C17orf58: variants seen among roughly 807,000 people sequenced by gnomAD.
The protein encoded by C17orf58 is chromosome 17 open reading frame 58, also known as UPF0450 protein C17orf58.
In C17orf58, 5 loss-of-function variants were observed where a neutral mutation model predicts 7.4. The observed-to-expected ratio is 0.67, with a 90% CI of 0.35 to 1.42. The LOEUF is 1.42. Ranked by LOEUF, C17orf58 falls within the 40% of genes most tolerant of loss-of-function variation. The pLI, the probability that C17orf58 is intolerant of heterozygous loss-of-function variation, is 0.04. For missense variants in C17orf58, 162 were observed against 174.2 expected (o/e 0.93, Z 0.40); for synonymous variants, 60 against 70.6 (o/e 0.85, Z 0.75).
Position 67,993,021 on chromosome 17 carries a change from G to A in C17orf58, c.829+23C>T, listed in dbSNP as rs1555699406. The A allele has an allele frequency of 1.2e-6, 2 of 1,614,160 alleles. No homozygotes were observed. Among genetic ancestry groups the A allele is most frequent in the East Asian group, 2.2e-5 (1 of 44,884 alleles). ...CGGTGGTATAAAGTACATATGCAGCGTCATTCAGGTCAGTTTCAATACCAG... is the reference window on the plus strand; with the variant it reads ...CGGTGGTATAAAGTACATATGCAGCATCATTCAGGTCAGTTTCAATACCAG... On this transcript the variant is annotated intron_variant, in intron 3 of 3. Transcript: ENST00000580729. The surrounding 1 kb of genome is among the most constrained non-coding windows in gnomAD (Gnocchi z 5.1).
At chr17:67,992,854 G>A in intron 3 of C17orf58, 190 bp downstream of exon 3, 1 of 1,588,524 alleles carries the variant, frequency 6.3e-7, no homozygotes, top group South Asian at 1.2e-5. Context: ...TCACCCTTGA[G>A]GGTGGGGGCT....
rs1413918104 is a variant in C17orf58, at chr17:67,993,913, C to G, written c.148G>C (p.Ala50Pro). Residue 50 changes from alanine (A) to proline (P), a missense_variant, in exon 2 of 4, where the codon GCG becomes CCG. Around this residue, in one of 3 missense-constraint regions of C17orf58, gnomAD observed 93 missense variants for 90.4 expected, o/e 1.03. Transcript: ENST00000580729. This position sits in a 1 kb window ranked among gnomAD's most constrained non-coding sequence, Gnocchi z 5.1. ...TGCGGGGCCTCAAGGAGTGGCTGCGCGCGGGGCCCCGGTGTCTCCTCCGCG... is the reference window on the plus strand; with the variant it reads ...TGCGGGGCCTCAAGGAGTGGCTGCGGGCGGGGCCCCGGTGTCTCCTCCGCG... ...PSAEETPGPRAQPLLEAPQRP... is the reference protein window; with the variant it reads ...PSAEETPGPRPQPLLEAPQRP... 2 of 391,792 alleles carry G rather than the reference C, an allele frequency of 5.1e-6. No individual in the cohort carries two copies. Among genetic ancestry groups the G allele is most frequent in the Admixed American group, 4.5e-5 (1 of 22,408 alleles). 24.3% of individuals were successfully genotyped at this position (391,792 alleles called of 1,614,324 possible).
At position 67,992,063 on chromosome 17, in the gene C17orf58, T is replaced by G. The variant is rs782045998; in HGVS notation, c.870A>C (p.Arg290Ser). 1 of 1,607,512 alleles carries G rather than the reference T, an allele frequency of 6.2e-7. No homozygotes were observed. The highest frequency in any genetic ancestry group is 1.7e-5 in the Admixed American group (1 of 58,930). Residue 290 changes from arginine to serine, a missense_variant, in exon 4 of 4, where the codon AGA becomes AGC. Transcript: ENST00000580729. ...GGAGCAGAGCTGTAGGGAGCTGCCG[T>G]CTCTTATGGTAGATGTGGCCCATCA... ...YIVMGHIYHK[R>S]RQLPTALLQV... is the part of the protein sequence containing the mutation.
rs1263093859 is a variant in C17orf58, at chr17:67,993,385, C to CGCGGGGCG, written c.637+31_637+38dup. The stretch of plus-strand genomic sequence containing the variant: ...GGATTCTCCGGGGCTCGGAAAGGCT[C>CGCGGGGCG]GCGGGGCGGCGGGGCGGCGGCGCGG... On this transcript the variant is annotated intron_variant, in intron 2 of 3. Coordinates refer to ENST00000580729, the MANE Select transcript of C17orf58 (RefSeq NM_001382359.1). The surrounding 1 kb of genome is among the most constrained non-coding windows in gnomAD (Gnocchi z 5.1). 5.2e-4 allele frequency: 310 copies of CGCGGGGCG among 591,626 alleles called. No homozygotes were observed. The highest frequency in any genetic ancestry group is 4.6e-3 in the African/African-American group (240 of 52,300). The allele number at this position is 591,626 out of a possible 1,614,324, so 36.6% of individuals were successfully genotyped here. A position where few individuals can be genotyped will look rare whatever the true frequency, so the allele number is the denominator to read the frequency against.
chr17:67,995,621 C>T (rs2070885535), intron 1 of C17orf58, among the ~76,000 whole-genome samples: 1 of 152,230 alleles, frequency 6.6e-6, no homozygotes, highest in South Asian at 2.1e-4. Context: ...TAGTTAAACC[C>T]CGGCTCAGGT....
Position 67,993,818 on chromosome 17 carries a change from T to A in C17orf58, c.243A>T (p.Pro81=), listed in dbSNP as rs2070865626. 3.5e-6 allele frequency: 1 copy of A among 284,596 alleles called. No homozygotes were observed. The highest frequency in any genetic ancestry group is 6.3e-6 in the Non-Finnish European group (1 of 158,506). 17.6% of individuals were successfully genotyped at this position (284,596 alleles called of 1,614,324 possible). Residue 81 remains proline (P), a synonymous_variant, in exon 2 of 4, where the codon CCA becomes CCT. Transcript: ENST00000580729. The surrounding 1 kb of genome is among the most constrained non-coding windows in gnomAD (Gnocchi z 5.1). ...AWPDPRRRKP[P]PPADNQASFR... ...AGCTGGCCTGGTTGTCGGCCGGCGG[T>A]GGGGGCTTCCGGCGGCGCGGGTCAG...
chr17:67,992,172 C>CT, intron 3 of C17orf58, 69 bp from the exon 4 acceptor site: 1 of 1,312,126 alleles, frequency 7.6e-7, no homozygotes, highest in Non-Finnish European at 1.0e-6. Context: ...AATGTAAGGC[C>CT]TTTAAGAAAC....
rs1212516449 is a variant in C17orf58 at position 67,993,469 on chromosome 17, G to C, written c.592C>G (p.Arg198Gly). 8.1e-5 allele frequency: 37 copies of C among 457,202 alleles called. No individual in the cohort carries two copies. The highest frequency in any genetic ancestry group is 1.3e-4 in the Non-Finnish European group (35 of 262,334). 28.3% of individuals were successfully genotyped at this position (457,202 alleles called of 1,614,324 possible). Residue 198 changes from arginine (R) to glycine (G), a missense_variant, in exon 2 of 4, where the codon CGG (arginine) becomes GGG (glycine). Physicochemically the swap from Arg to Gly is moderately radical, Grantham distance 125 (BLOSUM62 -2). Transcript: ENST00000580729. The surrounding 1 kb of genome is among the most constrained non-coding windows in gnomAD (Gnocchi z 5.1). Reference protein sequence around the residue: ...PGAEPCARACRSDLDEREAFC... With the variant: ...PGAEPCARACGSDLDEREAFC... ...GCCTCGCGTTCGTCCAGATCGGACC[G>C]GCAGGCGCGCGCGCAGGGCTCAGCG... is the stretch of plus-strand genomic sequence containing the variant.
chr17:67,993,345 T>C lies in C17orf58; in HGVS notation c.637+79A>G. On this transcript the variant is annotated intron_variant, in intron 2 of 3. Coordinates refer to ENST00000580729, the MANE Select transcript of C17orf58 (RefSeq NM_001382359.1). The surrounding 1 kb of genome is among the most constrained non-coding windows in gnomAD (Gnocchi z 5.1). ...AACGGCCCGCACGGGTCAGGCGCCC[T>C]GGGATCTCGCGGGCGGATTCTCCGG... The C allele has an allele frequency of 1.5e-6, 1 of 681,096 alleles. No homozygotes were observed. Among genetic ancestry groups the C allele is most frequent in the Middle Eastern group, 3.9e-4 (1 of 2,588 alleles). 42.2% of individuals were successfully genotyped at this position (681,096 alleles called of 1,614,324 possible).
At chr17:67,994,354 T>C (rs1167693766) in intron 1 of C17orf58, among the ~76,000 whole-genome samples, 2 of 151,830 alleles carry the variant, frequency 1.3e-5, no homozygotes, top group Non-Finnish European at 2.9e-5. Context: ...ACGAGGGTCT[T>C]GACCTCTAAG....
At position 67,991,654 on chromosome 17, in the gene C17orf58, A is replaced by G. The variant is rs77603153; in HGVS notation, c.*259T>C. On this transcript the variant is annotated 3_prime_UTR_variant, in exon 4 of 4. Transcript: ENST00000580729. ...AATGATCTGTTAACTGGACAGGTCA[A>G]TTATCTGAGCTGTGTAAATCATTGT... 1 of 287,554 alleles carries G rather than the reference A, an allele frequency of 3.5e-6. No individual in the cohort carries two copies. Among genetic ancestry groups the G allele is most frequent in the African/African-American group, 2.2e-5 (1 of 46,176 alleles). The allele number at this position is 287,554 out of a possible 1,614,324, so 17.8% of individuals were successfully genotyped here. A position where few individuals can be genotyped will look rare whatever the true frequency, so the allele number is the denominator to read the frequency against.
intron 3 of C17orf58, 124 bp from the exon 4 acceptor site, chr17:67,992,227 T>C: frequency 3.5e-6 from 3 of 853,142 alleles, no homozygotes; most frequent in Admixed American, 3.2e-5. Flanking sequence ...TTGAAACTGA[T>C]ATTGAGTCTA....
Position 67,993,537 on chromosome 17 carries a change from A to G in C17orf58, c.524T>C (p.Leu175Pro), listed in dbSNP as rs1555699489. The G allele has an allele frequency of 2.7e-6, 1 of 363,968 alleles. No individual in the cohort carries two copies. 22.5% of individuals were successfully genotyped at this position (363,968 alleles called of 1,614,324 possible). Residue 175 changes from leucine to proline, a missense_variant, in exon 2 of 4, where the codon CTC becomes CCC. Leu to Pro is a moderately conservative substitution (Grantham distance 98). Around this residue, in one of 3 missense-constraint regions of C17orf58, gnomAD observed 93 missense variants for 90.4 expected, o/e 1.03. Coordinates refer to ENST00000580729, the MANE Select transcript of C17orf58 (RefSeq NM_001382359.1). The surrounding 1 kb of genome is among the most constrained non-coding windows in gnomAD (Gnocchi z 5.1). ...PAPAPPPRFSLSFGLSPPQRD... is the reference protein window; with the variant it reads ...PAPAPPPRFSPSFGLSPPQRD... ...CTGCGGCGGGCTGAGGCCGAAGCTG[A>G]GGCTGAAGCGCGGCGGCGGCGCGGG...
chr17:67,991,825 G>C lies in C17orf58; in HGVS notation c.*88C>G, dbSNP rs1568260482. 9.0e-7 allele frequency: 1 copy of C among 1,107,364 alleles called. No homozygotes were observed. Among genetic ancestry groups the C allele is most frequent in the Non-Finnish European group, 1.3e-6 (1 of 772,432 alleles). The allele number at this position is 1,107,364 out of a possible 1,614,324, so 68.6% of individuals were successfully genotyped here. On this transcript the variant is annotated 3_prime_UTR_variant, in exon 4 of 4. Coordinates refer to ENST00000580729, the MANE Select transcript of C17orf58 (RefSeq NM_001382359.1). ...GAGTAGCTGAGGGCTCTCTTCTGAA[G>C]GAGGACCCATTACATGAAGGTAGAC...
chr17:67,995,630 G>A (rs1338315565), intron 1 of C17orf58, among the ~76,000 whole-genome samples: 2 of 152,218 alleles, frequency 1.3e-5, no homozygotes, highest in Non-Finnish European at 2.9e-5. Context: ...CCCGGCTCAG[G>A]TGTCCCAAGG....
At chr17:67,995,925 C>G (rs1555699739) in intron 1 of C17orf58, among the ~76,000 whole-genome samples, 198 bp downstream of exon 1, 2 of 152,252 alleles carry the variant, frequency 1.3e-5, no homozygotes, top group African/African-American at 4.8e-5. Context: ...AAATTGGCTT[C>G]TTTCCGAAAA....
Position 67,993,887 on chromosome 17 carries a change from C to T in C17orf58, c.174G>A (p.Gln58=). 1 of 380,132 alleles carries T rather than the reference C, an allele frequency of 2.6e-6. No individual in the cohort carries two copies. The highest frequency in any genetic ancestry group is 4.7e-6 in the Non-Finnish European group (1 of 214,944). 23.5% of individuals were successfully genotyped at this position (380,132 alleles called of 1,614,324 possible). A position where few individuals can be genotyped will look rare whatever the true frequency, so the allele number is the denominator to read the frequency against. ...PRAQPLLEAP[Q]RPRAAEVAPA... ...GAGCGACCTCGGCCGCGCGCGGCCGCTGCGGGGCCTCAAGGAGTGGCTGCG... is the reference window on the plus strand; with the variant it reads ...GAGCGACCTCGGCCGCGCGCGGCCGTTGCGGGGCCTCAAGGAGTGGCTGCG... The change falls in exon 2 of 4, where the codon CAG becomes CAA. Residue 58 remains glutamine, a synonymous_variant. Transcript: ENST00000580729. This position sits in a 1 kb window ranked among gnomAD's most constrained non-coding sequence, Gnocchi z 5.1.
chr17:67,991,971 C>T lies in C17orf58; in HGVS notation c.962G>A (p.Arg321Lys), dbSNP rs782074871. The part of the protein sequence containing the change: ...LLRSSSSYVK[R>K]FNRKREGQIQ... ...CTGCCCTTCCCTTTTTCGATTAAAC[C>T]TTTTCACATAGCTGCTGCTGCTCCT... The change falls in exon 4 of 4, where the codon AGG becomes AAG. Residue 321 changes from arginine to lysine, a missense_variant. Physicochemically the swap from Arg to Lys is conservative, Grantham distance 26. This residue lies in a region of C17orf58 where 65 missense variants were observed against 66.4 expected (regional missense o/e 0.98). Transcript: ENST00000580729. 4.0e-5 allele frequency: 64 copies of T among 1,612,400 alleles called. No homozygotes were observed. Among genetic ancestry groups the T allele is most frequent in the Non-Finnish European group, 4.9e-5 (58 of 1,179,362 alleles).
chr17:67,996,469 C>G lies in C17orf58; in HGVS notation c.-271G>C, dbSNP rs1344814051. 2 of 288,656 alleles carry G rather than the reference C, an allele frequency of 6.9e-6. No individual in the cohort carries two copies. Among genetic ancestry groups the G allele is most frequent in the Non-Finnish European group, 1.3e-5 (2 of 157,370 alleles). The allele number at this position is 288,656 out of a possible 1,614,324, so 17.9% of individuals were successfully genotyped here. A position where few individuals can be genotyped will look rare whatever the true frequency, so the allele number is the denominator to read the frequency against. Reference sequence around the variant, plus strand: ...TGATCTGCGGGCGAGGAGAGCATCACAGCCTAAACTTTAAACCTGTGTGCG... The same window carrying G: ...TGATCTGCGGGCGAGGAGAGCATCAGAGCCTAAACTTTAAACCTGTGTGCG... On this transcript the variant is annotated 5_prime_UTR_variant, in exon 1 of 4. Transcript: ENST00000580729.
Sources: gnomAD v4.1 joint callset for allele counts (sites outside exome capture counted in the v4.1 genomes callset) on GRCh38, gnomAD v4.1.1 for gene constraint, gnomAD v4.1.1 regional missense constraint, Gnocchi (gnomAD v3.1) non-coding constraint, MANE v1.5 for transcripts, NCBI Gene and HGNC (gene_info 2026-07-23, HGNC 2026-07-21) for gene names.